GULP1: variants seen among roughly 807,000 people sequenced by gnomAD.
GULP1 encodes the protein PTB domain-containing engulfment adapter protein 1.
In GULP1, 19 loss-of-function variants were observed where a neutral mutation model predicts 40.9. That is an observed-to-expected ratio of 0.46 (90% CI 0.32 to 0.68). The LOEUF is 0.68. Among genes scored for constraint, GULP1 ranks in the 30% least tolerant of loss-of-function variants. The probability of loss-of-function intolerance (pLI) is 0.03; values close to 1 mark genes in which losing one functional copy is unlikely to be tolerated. For synonymous variants in GULP1, 119 were observed against 117.6 expected (o/e 1.01, Z -0.08); for missense variants, 312 against 362.2 (o/e 0.86, Z 1.12).
intron 2 of GULP1, among the ~76,000 whole-genome samples, chr2:188,431,302 AAG>A (rs2056843216): frequency 6.6e-6 from 1 of 152,154 alleles, no homozygotes; most frequent in Non-Finnish European, 1.5e-5. Flanking sequence ...AGGAAAAAAA[AAG>A]TGTTACAGGA....
At chr2:188,500,590 G>T (rs2063340404) in intron 4 of GULP1, among the ~76,000 whole-genome samples, 1 of 151,888 alleles carries the variant, frequency 6.6e-6, no homozygotes, top group Non-Finnish European at 1.5e-5. Flanking sequence ...TTATAATACA[G>T]TTGACTATGC....
intron 1 of GULP1, among the ~76,000 whole-genome samples, chr2:188,318,630 T>C (rs1018354936): frequency 2.0e-5 from 3 of 151,122 alleles, no homozygotes; most frequent in African/African-American, 7.3e-5. Context: ...TAGTTTATCA[T>C]TGGCATGGTG....
chr2:188,345,833 AAAGTGTTC>A (rs1242484801), intron 1 of GULP1, among the ~76,000 whole-genome samples: 1 of 152,220 alleles, frequency 6.6e-6, no homozygotes, highest in Non-Finnish European at 1.5e-5. Context: ...CCTCTTCCTT[AAAGTGTTC>A]GTATTCATTC....
chr2:188,369,451 C>T (rs2047309979), intron 1 of GULP1, among the ~76,000 whole-genome samples: 1 of 151,884 alleles, frequency 6.6e-6, no homozygotes, highest in African/African-American at 2.4e-5. Context: ...AGACAGGAAC[C>T]CCAGCCAACA....
Position 188,588,716 on chromosome 2 carries a change from A to G in GULP1, c.843+767A>G, listed in dbSNP as rs146498090. 6.6e-5 allele frequency: 10 copies of G among 152,230 alleles called. No homozygotes were observed. In the East Asian group the frequency reaches 1.9e-3, roughly 29 times the overall value. The allele number at this position is 152,230 out of a possible 1,614,324, so 9.4% of individuals were successfully genotyped here. A position where few individuals can be genotyped will look rare whatever the true frequency, so the allele number is the denominator to read the frequency against. On this transcript the variant is annotated intron_variant, in intron 11 of 11. Transcript: ENST00000409830. ...AGCTGATTGAGAAGAGACAATGAAG[A>G]CACTAAAGTAAGGAGAAGGAGGTAT...
intron 3 of GULP1, 91 bp from the exon 4 acceptor site, chr2:188,483,340 A>T: frequency 1.7e-6 from 1 of 576,818 alleles, no homozygotes; most frequent in Non-Finnish European, 3.2e-6. Flanking sequence ...AATTAGAAAT[A>T]CTCTGTGTCC....
intron 4 of GULP1, among the ~76,000 whole-genome samples, chr2:188,497,811 G>A (rs1407563595): frequency 6.6e-6 from 1 of 151,842 alleles, no homozygotes; most frequent in African/African-American, 2.4e-5. Flanking sequence ...AAATGTTATG[G>A]TATACAAAAG....
At chr2:188,437,690 G>A (rs760257110) in intron 2 of GULP1, among the ~76,000 whole-genome samples, 53 of 151,970 alleles carry the variant, frequency 3.5e-4, no homozygotes, top group Admixed American at 2.5e-3. Context: ...GCCCATCAGT[G>A]ACAGATTGTA....
chr2:188,517,658 G>A (rs1437120429), intron 4 of GULP1, among the ~76,000 whole-genome samples: 2 of 152,094 alleles, frequency 1.3e-5, no homozygotes, highest in Non-Finnish European at 2.9e-5. Context: ...TGACTGATCA[G>A]GTGACCCATC....
intron 1 of GULP1, among the ~76,000 whole-genome samples, chr2:188,349,150 T>C (rs186812367): frequency 1.3e-5 from 2 of 152,338 alleles, no homozygotes; most frequent in Admixed American, 1.3e-4. Context: ...TATGCATTCA[T>C]TGGTTGACAG....
intron 5 of GULP1, among the ~76,000 whole-genome samples, chr2:188,524,397 T>G (rs536874760): frequency 6.6e-6 from 1 of 152,098 alleles, no homozygotes; most frequent in Non-Finnish European, 1.5e-5. Flanking sequence ...AGGTAAAAAA[T>G]TAGGTAGTAT....
At chr2:188,490,640 T>C (rs1198843512) in intron 4 of GULP1, among the ~76,000 whole-genome samples, 2 of 152,100 alleles carry the variant, frequency 1.3e-5, no homozygotes, top group Non-Finnish European at 2.9e-5. Flanking sequence ...ATGATATTTT[T>C]ATTAACATAA....
At chr2:188,295,192 T>G (rs577498601) in intron 1 of GULP1, among the ~76,000 whole-genome samples, 21 of 152,308 alleles carry the variant, frequency 1.4e-4, no homozygotes, top group African/African-American at 5.1e-4. Context: ...GGCTCTCTTC[T>G]CAGAAATAAT....
intron 4 of GULP1, among the ~76,000 whole-genome samples, chr2:188,496,326 G>A (rs2062890688): frequency 6.6e-6 from 1 of 151,946 alleles, no homozygotes; most frequent in South Asian, 2.1e-4. Context: ...CACTTTCTTG[G>A]TTACATGTCT....
intron 9 of GULP1, among the ~76,000 whole-genome samples, chr2:188,581,336 C>A (rs80011640): frequency 0.032 from 4,851 of 152,250 alleles, 266 homozygotes; most frequent in African/African-American, 0.11. Context: ...GAGACAAAGC[C>A]TCACTTCTGC....
chr2:188,396,668 T>A (rs2051317405), intron 2 of GULP1, among the ~76,000 whole-genome samples: 1 of 152,306 alleles, frequency 6.6e-6, no homozygotes, highest in South Asian at 2.1e-4. Flanking sequence ...CCAGCTCCTG[T>A]ATTCATGGCT....
chr2:188,350,403 G>A lies in GULP1; in HGVS notation c.-171-33360G>A, dbSNP rs540746031. On this transcript the variant is annotated intron_variant, in intron 1 of 11. Transcript: ENST00000409830. ...TTTTAGTTTTCAGTGAACACATTTC[G>A]CACTTTTTTGTTACATTTATTTTAT... Among the ~76,000 whole-genome samples, 37 of 151,954 alleles carry A rather than the reference G, an allele frequency of 2.4e-4. 1 individual carries two copies. Among genetic ancestry groups the A allele is most frequent in the Admixed American group, 1.9e-3 (29 of 15,264 alleles).
chr2:188,387,844 G>A (rs76722955), intron 2 of GULP1, among the ~76,000 whole-genome samples: 2,051 of 152,236 alleles, frequency 0.013, 57 homozygotes, highest in African/African-American at 0.046. Context: ...GGAGCCAGAT[G>A]AACCATGCTA....
chr2:188,566,567 G>A (rs970549834), intron 7 of GULP1, among the ~76,000 whole-genome samples: 7 of 151,870 alleles, frequency 4.6e-5, no homozygotes, highest in South Asian at 2.1e-4. Flanking sequence ...AGGCCAAGGC[G>A]GGTGGATCAC....
Sources: allele counts gnomAD v4.1 joint callset (sites outside exome capture counted in the v4.1 genomes callset), GRCh38; gene constraint gnomAD v4.1.1; transcripts MANE v1.5; gene names NCBI Gene and HGNC (gene_info 2026-07-23, HGNC 2026-07-21).